HAVCR1: variants seen among roughly 807,000 people sequenced by gnomAD.
HAVCR1 encodes T cell immunoglobin domain and mucin domain protein 1.
HAVCR1 carries 34 observed loss-of-function variants against 32.0 expected under a neutral mutation model. The observed-to-expected ratio is 1.06, with a 90% CI of 0.81 to 1.42. HAVCR1 has a LOEUF of 1.42. Among genes scored for constraint, HAVCR1 ranks in the 40% most tolerant of loss-of-function variants. HAVCR1 has a pLI of 0.00. For synonymous variants in HAVCR1, 178 were observed against 170.3 expected, an observed-to-expected ratio of 1.05 and a Z score of -0.35; for missense variants, 420 against 442.3, an observed-to-expected ratio of 0.95 and a Z score of 0.45.
At position 157,055,276 on chromosome 5, in the gene HAVCR1, C is replaced by T. The variant is rs759044943; in HGVS notation, c.304G>A (p.Val102Ile). 51 of 1,612,650 alleles carry T rather than the reference C, an allele frequency of 3.2e-5. No individual in the cohort carries two copies. The highest frequency in any genetic ancestry group is 3.3e-4 in the Middle Eastern group (2 of 6,060). ...IENTAVSDSG[V>I]YCCRVEHRGW... is the part of the protein sequence containing the mutation. ...CGGTGCTCAACACGGCAACAATATA[C>T]GCCACTGTCAGACACAGCTGTATTT... is the stretch of plus-strand genomic sequence containing the variant. The change falls in exon 3 of 9, where the codon GTA becomes ATA. Residue 102 changes from valine to isoleucine, a missense_variant. Physicochemically the swap from Val to Ile is conservative, Grantham distance 29 (BLOSUM62 3). Transcript: ENST00000523175.
At chr5:157,043,104 T>A (rs1755012011) in intron 5 of HAVCR1, among the ~76,000 whole-genome samples, 1 of 151,704 alleles carries the variant, frequency 6.6e-6, no homozygotes, top group African/African-American at 2.4e-5. Context: ...AGAACCACCC[T>A]TTTCAGAATG....
chr5:157,045,490 C>T (rs995195884), intron 5 of HAVCR1, among the ~76,000 whole-genome samples: 1 of 152,086 alleles, frequency 6.6e-6, no homozygotes, highest in Admixed American at 6.6e-5. Flanking sequence ...ATCATATACT[C>T]TAATCATTCA....
At chr5:157,066,520 A>AC in the HAVCR1 span, among the ~76,000 whole-genome samples, 3 of 145,374 alleles carry the variant, frequency 2.1e-5, no homozygotes, top group African/African-American at 5.0e-5. Flanking sequence ...AAAAAAATAA[A>AC]AGTTTTGCAA....
chr5:157,033,820 T>C (rs932184182), intron 7 of HAVCR1, among the ~76,000 whole-genome samples: 2 of 152,132 alleles, frequency 1.3e-5, no homozygotes, highest in Non-Finnish European at 2.9e-5. Context: ...CCCAACACTT[T>C]GGGAGGCAGA....
chr5:157,059,277 A>C (rs1455586848), upstream of HAVCR1, among the ~76,000 whole-genome samples: 1 of 152,226 alleles, frequency 6.6e-6, no homozygotes. Flanking sequence ...CTAAGAATTC[A>C]GTAACTTCCA....
At chr5:157,031,233 G>A (rs553634487) in intron 8 of HAVCR1, among the ~76,000 whole-genome samples, 1 of 152,292 alleles carries the variant, frequency 6.6e-6, no homozygotes, top group East Asian at 1.9e-4. Context: ...AAGTCGATGT[G>A]TATTGAGCAC....
intron 3 of HAVCR1, 34 bp downstream of exon 3, chr5:157,055,167 A>G (rs1396235249): frequency 8.6e-7 from 1 of 1,162,704 alleles, no homozygotes; most frequent in Non-Finnish European, 1.2e-6. Context: ...AGAAAATTCA[A>G]TTAACTAGCA....
intron 6 of HAVCR1, among the ~76,000 whole-genome samples, chr5:157,039,097 G>C (rs1303740243): frequency 6.6e-6 from 1 of 152,198 alleles, no homozygotes; most frequent in Non-Finnish European, 1.5e-5. Context: ...TCCAGCCTGA[G>C]CAATGGAGTG....
chr5:157,048,903 C>T (rs1755574041), intron 5 of HAVCR1, 135 bp downstream of exon 5: 3 of 631,454 alleles, frequency 4.8e-6, no homozygotes, highest in Non-Finnish European at 8.7e-6. Flanking sequence ...GATATTTGTA[C>T]AAGTCAAATG....
At chr5:157,055,724 T>C (rs1756089554) in intron 2 of HAVCR1, among the ~76,000 whole-genome samples, 191 bp from the exon 3 acceptor site, 7 of 151,508 alleles carry the variant, frequency 4.6e-5, no homozygotes. Context: ...TTACAAAAAT[T>C]AGCGGGGTGT....
intron 8 of HAVCR1, 68 bp downstream of exon 8, chr5:157,032,786 A>G: frequency 1.1e-6 from 1 of 944,780 alleles, no homozygotes; most frequent in South Asian, 1.3e-5. Context: ...GGAGAGAGAC[A>G]GAAATCTATT....
At chr5:157,055,122 T>G in intron 3 of HAVCR1, 79 bp downstream of exon 3, 1 of 737,822 alleles carries the variant, frequency 1.4e-6, no homozygotes, top group Non-Finnish European at 2.3e-6. Flanking sequence ...AACCTCCTCT[T>G]TCCCTATTAA....
chr5:157,062,268 G>A (rs1756506090), upstream of HAVCR1, among the ~76,000 whole-genome samples: 3 of 152,176 alleles, frequency 2.0e-5, no homozygotes, highest in South Asian at 6.2e-4. Flanking sequence ...AGCTACTTGG[G>A]AGGCTGAGGC....
At chr5:157,059,610 G>A (rs1458652760), upstream of HAVCR1, among the ~76,000 whole-genome samples, 1 of 152,180 alleles carries the variant, frequency 6.6e-6, no homozygotes, top group East Asian at 1.9e-4. Context: ...GGAAGGTGGA[G>A]GTTGCAGTGA....
intron 6 of HAVCR1, 73 bp from the exon 7 acceptor site, chr5:157,037,434 C>T (rs1160336967): frequency 2.7e-6 from 2 of 737,348 alleles, no homozygotes; most frequent in African/African-American, 1.8e-5. Context: ...CCCAGAATCA[C>T]TTACCCAGCC....
At position 157,032,886 on chromosome 5, in the gene HAVCR1, C is replaced by G; in HGVS notation, c.954G>C (p.Lys318Asn). The change falls in exon 8 of 9, where the codon AAG becomes AAC. Residue 318 changes from lysine (K) to asparagine (N), a missense_variant and splice_region_variant. Lys to Asn is a moderately conservative substitution (Grantham distance 94). Transcript: ENST00000523175. The stretch of plus-strand genomic sequence containing the variant: ...GTTGAACCTCCTTTTTGAAGAAATA[C>G]TCTAAATTGAAGGGGTGGGGAGAGA... ...LALLGVIIAK[K>N]YFFKKEVQQL... The G allele has an allele frequency of 6.4e-7, 1 of 1,567,848 alleles. No individual in the cohort carries two copies. The highest frequency in any genetic ancestry group is 8.7e-7 in the Non-Finnish European group (1 of 1,143,412).
upstream of HAVCR1, among the ~76,000 whole-genome samples, chr5:157,059,575 T>A (rs1756424268): frequency 6.6e-6 from 1 of 152,122 alleles, no homozygotes; most frequent in Admixed American, 6.6e-5. Flanking sequence ...CTTAGGAGGC[T>A]GAGGTAGAAG....
upstream of HAVCR1, among the ~76,000 whole-genome samples, chr5:157,063,919 G>A (rs1756546669): frequency 6.6e-6 from 1 of 152,248 alleles, no homozygotes; most frequent in Non-Finnish European, 1.5e-5. Context: ...AGGGTGCCTG[G>A]TGTGTTTACA....
At chr5:157,044,368 CGAAGGAAGGAAGGAAGGAAGGAAG>C (rs573183336) in intron 5 of HAVCR1, among the ~76,000 whole-genome samples, 1,082 of 31,154 alleles carry the variant, frequency 0.035, 101 homozygotes, top group East Asian at 0.11. Flanking sequence ...AAAGAAAGGA[CGAAGGAAGGAAGGAAGGAAGGAAG>C]GAAGGAAGGA....
Sources: gnomAD v4.1 joint callset for allele counts (sites outside exome capture counted in the v4.1 genomes callset) on GRCh38, gnomAD v4.1.1 for gene constraint, MANE v1.5 for transcripts, NCBI Gene and HGNC (gene_info 2026-07-23, HGNC 2026-07-21) for gene names.